TIAM1: variants seen among roughly 807,000 people sequenced by gnomAD.
TIAM1 encodes the protein rho guanine nucleotide exchange factor TIAM1.
Under a neutral mutation model 163.5 loss-of-function variants are expected in TIAM1, and 65 were observed. The observed-to-expected ratio is 0.40, with a 90% confidence interval of 0.33 to 0.49. The LOEUF (loss-of-function observed/expected upper bound fraction) is 0.49, where lower values mean the gene tolerates loss of function less well. TIAM1 is among the 20% of genes least tolerant of loss of function. The pLI, the probability that TIAM1 is intolerant of heterozygous loss-of-function variation, is 0.77. For synonymous variants in TIAM1, 833 were observed against 810.1 expected (o/e 1.03, Z -0.48); for missense variants, 1,789 against 2,044.7 (o/e 0.87, Z 2.41).
intron 2 of TIAM1, among the ~76,000 whole-genome samples, chr21:31,374,786 C>T (rs894583494): frequency 1.3e-5 from 2 of 152,132 alleles, no homozygotes; most frequent in African/African-American, 2.4e-5. Flanking sequence ...AGGACCAAAG[C>T]GACAACTAGC....
At chr21:31,253,287 G>A (rs2146754851) in intron 4 of TIAM1, among the ~76,000 whole-genome samples, 1 of 152,304 alleles carries the variant, frequency 6.6e-6, no homozygotes, top group East Asian at 1.9e-4. Context: ...ACACAGTTTG[G>A]CAGTTTCACC....
At chr21:31,350,143 C>G (rs1458368339) in intron 2 of TIAM1, among the ~76,000 whole-genome samples, 1 of 152,134 alleles carries the variant, frequency 6.6e-6, no homozygotes, top group African/African-American at 2.4e-5. Flanking sequence ...TCACAGAGGG[C>G]TCACCCTCTT....
intron 2 of TIAM1, among the ~76,000 whole-genome samples, chr21:31,438,888 A>G (rs957269247): frequency 1.3e-5 from 2 of 152,200 alleles, no homozygotes; most frequent in African/African-American, 4.8e-5. Context: ...AACTCTAGAC[A>G]TTGCCAACTG....
chr21:31,368,463 T>C (rs564403195), intron 2 of TIAM1, among the ~76,000 whole-genome samples: 3 of 152,330 alleles, frequency 2.0e-5, no homozygotes, highest in Non-Finnish European at 4.4e-5. Flanking sequence ...CACAGTTGAC[T>C]TCAAATCCAA....
At chr21:31,409,406 C>T (rs2077306261) in intron 2 of TIAM1, among the ~76,000 whole-genome samples, 1 of 152,204 alleles carries the variant, frequency 6.6e-6, no homozygotes, top group Non-Finnish European at 1.5e-5. Context: ...CCACACCCAG[C>T]CAGACCTTCT....
At chr21:31,480,079 C>A (rs1034819824) in intron 1 of TIAM1, among the ~76,000 whole-genome samples, 1 of 152,226 alleles carries the variant, frequency 6.6e-6, no homozygotes, top group African/African-American at 2.4e-5. Context: ...AACACAAAGA[C>A]AGGCACATAG....
chr21:31,193,911 G>A (rs1012857766), intron 13 of TIAM1, among the ~76,000 whole-genome samples: 4 of 152,126 alleles, frequency 2.6e-5, no homozygotes, highest in African/African-American at 7.2e-5. Flanking sequence ...GCCCCCGCCA[G>A]GCAAAGACTC....
chr21:31,187,354 T>C (rs1382412688), intron 13 of TIAM1, among the ~76,000 whole-genome samples: 1 of 152,220 alleles, frequency 6.6e-6, no homozygotes, highest in African/African-American at 2.4e-5. Context: ...TTGTTTAATC[T>C]TGCTTCCTGG....
chr21:31,311,865 C>A (rs1017868687), intron 2 of TIAM1, among the ~76,000 whole-genome samples: 12 of 152,178 alleles, frequency 7.9e-5, no homozygotes, highest in Non-Finnish European at 1.8e-4. Context: ...CACCCTCAAT[C>A]TGGGTGGGCA....
At chr21:31,502,297 G>A (rs922259875) in intron 1 of TIAM1, among the ~76,000 whole-genome samples, 2 of 152,252 alleles carry the variant, frequency 1.3e-5, no homozygotes, top group African/African-American at 4.8e-5. Context: ...TTTGAGACAG[G>A]GTCTCGCTCT....
upstream of TIAM1, among the ~76,000 whole-genome samples, chr21:31,346,520 G>T (rs1400874512): frequency 6.6e-6 from 1 of 152,170 alleles, no homozygotes; most frequent in Non-Finnish European, 1.5e-5. Context: ...ATGGGAGAAG[G>T]ATGATGTAAA....
intron 1 of TIAM1, among the ~76,000 whole-genome samples, chr21:31,516,844 G>A (rs1416437980): frequency 1.3e-5 from 2 of 151,854 alleles, no homozygotes; most frequent in Non-Finnish European, 2.9e-5. Context: ...GAGGTCAGGA[G>A]TTGAAGACCA....
At chr21:31,479,981 C>T (rs542559418) in intron 1 of TIAM1, among the ~76,000 whole-genome samples, 4 of 152,310 alleles carry the variant, frequency 2.6e-5, no homozygotes, top group East Asian at 3.9e-4. Flanking sequence ...CTATACAGTG[C>T]GGCCATTGTC....
Position 31,310,444 on chromosome 21 carries a change from C to A in TIAM1, c.-189+28799G>T, listed in dbSNP as rs559254717. Among the ~76,000 whole-genome samples, 3 of 152,266 alleles carry A rather than the reference C, an allele frequency of 2.0e-5. No homozygotes were observed. The East Asian group carries it at 5.8e-4, about 29-fold the overall frequency. On this transcript the variant is annotated intron_variant, in intron 2 of 27. Coordinates refer to ENST00000541036, the MANE Select transcript of TIAM1 (RefSeq NM_001353694.2). ...TAAATCCATGAAGCCACTGAAATTC[C>A]GGGTTGTGCGTTACAAGAGTCAGCC...
At chr21:31,297,640 T>C (rs2074334767) in intron 2 of TIAM1, among the ~76,000 whole-genome samples, 1 of 152,156 alleles carries the variant, frequency 6.6e-6, no homozygotes, top group South Asian at 2.1e-4. Context: ...CGCCTTGGCC[T>C]CCCAAAGTGC....
intron 19 of TIAM1, 49 bp downstream of exon 19, chr21:31,152,587 T>C (rs916769015): frequency 6.2e-7 from 1 of 1,605,124 alleles, no homozygotes; most frequent in South Asian, 1.1e-5. Context: ...GGGATTCAAC[T>C]TGAGCCACAC....
chr21:31,417,860 A>T (rs1032096054), intron 2 of TIAM1, among the ~76,000 whole-genome samples: 1 of 152,136 alleles, frequency 6.6e-6, no homozygotes, highest in African/African-American at 2.4e-5. Flanking sequence ...TGCTCCAGGT[A>T]GAGAGACACA....
chr21:31,440,724 T>C (rs952308800), intron 2 of TIAM1, among the ~76,000 whole-genome samples: 1 of 151,872 alleles, frequency 6.6e-6, no homozygotes, highest in African/African-American at 2.4e-5. Flanking sequence ...CTACTAAAAA[T>C]ACAAAAATTA....
At chr21:31,478,109 T>C (rs1013005156) in intron 1 of TIAM1, among the ~76,000 whole-genome samples, 2 of 152,242 alleles carry the variant, frequency 1.3e-5, no homozygotes, top group South Asian at 4.1e-4. Flanking sequence ...TAAGGTTAGA[T>C]TGCTGGCCTT....
Sources: allele counts gnomAD v4.1 joint callset (sites outside exome capture counted in the v4.1 genomes callset), GRCh38; gene constraint gnomAD v4.1.1; transcripts MANE v1.5; gene names NCBI Gene and HGNC (gene_info 2026-07-23, HGNC 2026-07-21).